FRMPD2: variants seen among roughly 807,000 people sequenced by gnomAD.
FRMPD2 encodes the protein FERM and PDZ domain-containing protein 2.
FRMPD2 carries 96 observed loss-of-function variants against 140.1 expected under a neutral mutation model. The observed-to-expected ratio is 0.69, with a 90% CI of 0.58 to 0.81. The LOEUF (loss-of-function observed/expected upper bound fraction) is 0.81, where lower values mean the gene tolerates loss of function less well. FRMPD2 is among the 40% of genes least tolerant of loss of function. FRMPD2 has a pLI of 0.00. For missense variants in FRMPD2, 1,240 were observed against 1,447.4 expected (o/e 0.86, Z 2.32); for synonymous variants, 449 against 547.6 (o/e 0.82, Z 2.52).
At chr10:48,171,470 CA>C (rs1838252916) in intron 25 of FRMPD2, among the ~76,000 whole-genome samples, 1 of 152,096 alleles carries the variant, frequency 6.6e-6, no homozygotes, top group South Asian at 2.1e-4. Flanking sequence ...AAAAAGCAAA[CA>C]AAAAATAAAT....
At chr10:48,180,283 C>T (rs1838511489) in intron 21 of FRMPD2, among the ~76,000 whole-genome samples, 1 of 152,194 alleles carries the variant, frequency 6.6e-6, no homozygotes, top group South Asian at 2.1e-4. Flanking sequence ...CCTGAGAAGA[C>T]AACACCACTG....
At chr10:48,193,618 A>G (rs1838889967) in intron 15 of FRMPD2, among the ~76,000 whole-genome samples, 1 of 152,244 alleles carries the variant, frequency 6.6e-6, no homozygotes. Context: ...GAGGCTTTAC[A>G]TAAAGCCAAG....
intron 1 of FRMPD2, among the ~76,000 whole-genome samples, chr10:48,254,094 A>G (rs1840443246): frequency 6.6e-6 from 1 of 152,094 alleles, no homozygotes; most frequent in African/African-American, 2.4e-5. Flanking sequence ...GCTTGTTCCA[A>G]TGCACAAGCA....
intron 28 of FRMPD2, among the ~76,000 whole-genome samples, chr10:48,158,213 C>A (rs1837838626): frequency 1.3e-5 from 2 of 149,994 alleles, no homozygotes; most frequent in Admixed American, 1.3e-4. Context: ...ATTTGCTCCC[C>A]ACTTGTCCAG....
chr10:48,181,484 A>G (rs2132422361), intron 20 of FRMPD2, among the ~76,000 whole-genome samples: 1 of 152,204 alleles, frequency 6.6e-6, no homozygotes, highest in East Asian at 1.9e-4. Context: ...TGGACACCCC[A>G]CTGAGCACAT....
At chr10:48,178,744 A>G (rs1198611444) in intron 21 of FRMPD2, 2 of 152,650 alleles carry the variant, frequency 1.3e-5, no homozygotes, top group Non-Finnish European at 2.9e-5. Context: ...CAGGAAACCA[A>G]CTCTCAGGTT....
At chr10:48,174,363 A>G (rs1242742904) in intron 24 of FRMPD2, among the ~76,000 whole-genome samples, 1 of 152,192 alleles carries the variant, frequency 6.6e-6, no homozygotes, top group Non-Finnish European at 1.5e-5. Context: ...TGCTCTTGGC[A>G]CCCTGAATTC....
chr10:48,202,566 T>A (rs1173125601), intron 14 of FRMPD2, among the ~76,000 whole-genome samples: 1 of 152,240 alleles, frequency 6.6e-6, no homozygotes, highest in East Asian at 1.9e-4. Context: ...CCAATTGAAC[T>A]GTACTATAAC....
intron 16 of FRMPD2, among the ~76,000 whole-genome samples, chr10:48,192,377 C>T (rs1052170103): frequency 1.3e-5 from 2 of 151,980 alleles, no homozygotes; most frequent in Non-Finnish European, 1.5e-5. Context: ...AGGTCTGGAC[C>T]TCAGGTTGAG....
intron 10 of FRMPD2, among the ~76,000 whole-genome samples, chr10:48,227,890 A>C (rs1839762446): frequency 1.3e-5 from 2 of 152,224 alleles, no homozygotes; most frequent in African/African-American, 4.8e-5. Context: ...TGGTTCAATT[A>C]AAATAGTCAT....
At chr10:48,214,620 T>C (rs537635610) in intron 12 of FRMPD2, among the ~76,000 whole-genome samples, 1 of 152,364 alleles carries the variant, frequency 6.6e-6, no homozygotes, top group African/African-American at 2.4e-5. Context: ...TTAAAACTTT[T>C]TTTAAGTGTT....
intron 12 of FRMPD2, among the ~76,000 whole-genome samples, chr10:48,220,278 A>G (rs1839552316): frequency 1.3e-5 from 2 of 152,222 alleles, no homozygotes; most frequent in Non-Finnish European, 2.9e-5. Flanking sequence ...CCCAGAAATA[A>G]AGCCAAATAC....
At chr10:48,244,677 G>C in intron 4 of FRMPD2, 107 bp downstream of exon 4, 1 of 811,878 alleles carries the variant, frequency 1.2e-6, no homozygotes, top group Admixed American at 1.8e-5. Context: ...GAGGACGGGA[G>C]AGTGGCATTA....
chr10:48,185,258 A>T (rs2131838159), intron 18 of FRMPD2, among the ~76,000 whole-genome samples: 1 of 152,104 alleles, frequency 6.6e-6, no homozygotes, highest in Admixed American at 6.5e-5. Context: ...AGATAAATTG[A>T]CTCTTCTTCC....
At chr10:48,233,343 C>T (rs1284408295) in intron 9 of FRMPD2, among the ~76,000 whole-genome samples, 1 of 152,214 alleles carries the variant, frequency 6.6e-6, no homozygotes, top group African/African-American at 2.4e-5. Context: ...ACACTTGCTG[C>T]ACACCTGAGT....
intron 14 of FRMPD2, chr10:48,201,725 T>G (rs1333506781): frequency 6.1e-6 from 1 of 162,996 alleles, no homozygotes; most frequent in African/African-American, 2.4e-5. Context: ...CACTAAGTAT[T>G]CCCATTGTTT....
chr10:48,224,632 T>C (rs910058679), intron 10 of FRMPD2, among the ~76,000 whole-genome samples: 3 of 152,160 alleles, frequency 2.0e-5, no homozygotes, highest in Admixed American at 2.0e-4. Flanking sequence ...GGTTGGTTGG[T>C]AATCCCTCCC....
intron 13 of FRMPD2, among the ~76,000 whole-genome samples, chr10:48,208,146 G>A (rs148447996): frequency 2.0e-5 from 3 of 151,988 alleles, no homozygotes; most frequent in Non-Finnish European, 4.4e-5. Flanking sequence ...GGCCAGCCTG[G>A]GCATGTGATT....
Position 48,238,095 on chromosome 10 carries a change from G to T in FRMPD2, c.817C>A (p.Gln273Lys). The change falls in exon 8 of 29, where the codon CAG (glutamine) becomes AAG (lysine). Residue 273 changes from glutamine to lysine, a missense_variant. Transcript: ENST00000374201. ...RALPGADPQD[Q>K]QAGRRLSSGS... ...GAGCTGAGCCTCCGGCCCGCCTGCT[G>T]GTCCTGGGGATCTGCTCCTGGAAGA... The T allele has an allele frequency of 6.2e-7, 1 of 1,612,874 alleles. No individual in the cohort carries two copies. Among genetic ancestry groups the T allele is most frequent in the Non-Finnish European group, 8.5e-7 (1 of 1,180,018 alleles).
Sources: allele counts gnomAD v4.1 joint callset (sites outside exome capture counted in the v4.1 genomes callset), GRCh38; gene constraint gnomAD v4.1.1; transcripts MANE v1.5; gene names NCBI Gene and HGNC (gene_info 2026-07-23, HGNC 2026-07-21).